Variants in JARID2 observed in about 807,000 individuals in gnomAD.
JARID2 encodes the protein jumonji and AT-rich interaction domain containing 2.
A neutral mutation model predicts 125.6 loss-of-function variants in JARID2; 21 were observed. The observed-to-expected ratio is 0.17, with a 90% confidence interval of 0.12 to 0.24. The LOEUF (loss-of-function observed/expected upper bound fraction) is 0.24, where lower values mean the gene tolerates loss of function less well. Among genes scored for constraint, JARID2 ranks in the 10% least tolerant of loss-of-function variants. The pLI, the probability that JARID2 is intolerant of heterozygous loss-of-function variation, is 1.00. For missense variants in JARID2, 1,303 were observed against 1,639.6 expected, an observed-to-expected ratio of 0.79 and a Z score of 3.55; for synonymous variants, 736 against 661.6, an observed-to-expected ratio of 1.11 and a Z score of -1.73.
intron 2 of JARID2, among the ~76,000 whole-genome samples, chr6:15,395,822 G>T (rs1333825423): frequency 1.3e-5 from 2 of 151,928 alleles, no homozygotes; most frequent in African/African-American, 4.8e-5. Context: ...GCACCACCAT[G>T]CCTGGCTAAT....
At chr6:15,484,713 G>A (rs973598955) in intron 5 of JARID2, among the ~76,000 whole-genome samples, 2 of 152,124 alleles carry the variant, frequency 1.3e-5, no homozygotes, top group Non-Finnish European at 2.9e-5. Flanking sequence ...TTTGAAGGGC[G>A]GGAAACCCAT....
chr6:15,322,175 T>C (rs1762382474), intron 1 of JARID2, among the ~76,000 whole-genome samples: 1 of 152,150 alleles, frequency 6.6e-6, no homozygotes, highest in Non-Finnish European at 1.5e-5. Context: ...AACACATAAT[T>C]GTAATTTCAA....
chr6:15,271,769 G>A (rs916469300), intron 1 of JARID2, among the ~76,000 whole-genome samples: 2 of 152,230 alleles, frequency 1.3e-5, no homozygotes, highest in Non-Finnish European at 2.9e-5. Flanking sequence ...GGAGGCTGAG[G>A]CTGGCAGATC....
rs374208349 is a variant in JARID2 at position 15,487,311 on chromosome 6, C to T, written c.675C>T (p.Phe225=). 1.9e-6 allele frequency: 3 copies of T among 1,613,478 alleles called. No homozygotes were observed. The highest frequency in any genetic ancestry group is 1.3e-5 in the African/African-American group (1 of 74,874). The change falls in exon 6 of 18, where the codon TTC becomes TTT. Residue 225 remains phenylalanine (F), a synonymous_variant. Coordinates refer to ENST00000341776, the MANE Select transcript of JARID2 (RefSeq NM_004973.4). ...TGTTTTCTCCTTCCTTTCTAGTTTT[C>T]AATGGTTCCAGCAGGTCAACACGGG... The part of the protein sequence containing the change: ...THKHVHNGHV[F]NGSSRSTREK...
At chr6:15,495,332 A>G (rs1195972167) in intron 6 of JARID2, among the ~76,000 whole-genome samples, 1 of 152,184 alleles carries the variant, frequency 6.6e-6, no homozygotes, top group Admixed American at 6.5e-5. Flanking sequence ...AAGTTTGTCC[A>G]GGGTGGAAGA....
intron 5 of JARID2, among the ~76,000 whole-genome samples, chr6:15,469,318 G>GTCTC (rs1212844795): frequency 6.2e-5 from 3 of 48,566 alleles, no homozygotes; most frequent in African/African-American, 2.4e-4. Context: ...CTCTCTCTCT[G>GTCTC]TCTCTCTCTC....
At chr6:15,423,246 T>A (rs1223460094) in intron 3 of JARID2, among the ~76,000 whole-genome samples, 1 of 152,134 alleles carries the variant, frequency 6.6e-6, no homozygotes, top group African/African-American at 2.4e-5. Context: ...TTGATCTGCC[T>A]GACTCAGCCT....
In JARID2 at chr6:15,246,666, T is replaced by C. The variant is rs112341799; in HGVS notation, c.45+82T>C. The C allele has an allele frequency of 3.1e-5, 39 of 1,244,974 alleles. No homozygotes were observed. The Admixed American group carries it at 4.5e-4, about 14-fold the overall frequency. 77.1% of individuals were successfully genotyped at this position (1,244,974 alleles called of 1,614,324 possible). A position where few individuals can be genotyped will look rare whatever the true frequency, so the allele number is the denominator to read the frequency against. ...TGTCAAGTTTATAGATAATTCTGCC[T>C]CTGAAGGGTTTTAAACACAGCGTCC... is the stretch of plus-strand genomic sequence containing the variant. On this transcript the variant is annotated intron_variant, in intron 1 of 17. Coordinates refer to ENST00000341776, the MANE Select transcript of JARID2 (RefSeq NM_004973.4).
At chr6:15,491,105 G>C (rs1213064130) in intron 6 of JARID2, among the ~76,000 whole-genome samples, 1 of 152,222 alleles carries the variant, frequency 6.6e-6, no homozygotes, top group Non-Finnish European at 1.5e-5. Context: ...TTCTTTTAAA[G>C]TTCTGGAAAA....
intron 2 of JARID2, among the ~76,000 whole-genome samples, chr6:15,405,877 C>T (rs935070871): frequency 6.6e-6 from 1 of 152,182 alleles, no homozygotes; most frequent in Non-Finnish European, 1.5e-5. Flanking sequence ...TCTTGCTGAC[C>T]TGGCCCTCCT....
At chr6:15,362,360 A>G (rs1763828955) in intron 1 of JARID2, among the ~76,000 whole-genome samples, 1 of 152,210 alleles carries the variant, frequency 6.6e-6, no homozygotes, top group Admixed American at 6.5e-5. Flanking sequence ...GTTTATTTCT[A>G]GGTGCCAACA....
chr6:15,367,051 T>C (rs1399874198), intron 1 of JARID2, among the ~76,000 whole-genome samples: 1 of 152,174 alleles, frequency 6.6e-6, no homozygotes, highest in African/African-American at 2.4e-5. Flanking sequence ...GTAGAGTTGG[T>C]TGACCCATGA....
intron 1 of JARID2, among the ~76,000 whole-genome samples, chr6:15,362,250 T>C (rs780579816): frequency 1.2e-4 from 18 of 152,164 alleles, no homozygotes; most frequent in Admixed American, 5.2e-4. Context: ...AGGTCTTCTC[T>C]CAGGGTTACA....
chr6:15,467,413 G>C, intron 4 of JARID2, among the ~76,000 whole-genome samples: 1 of 152,108 alleles, frequency 6.6e-6, no homozygotes. Flanking sequence ...TTTACTATTA[G>C]ACTGAAGGGG....
intron 1 of JARID2, among the ~76,000 whole-genome samples, chr6:15,311,306 G>T (rs148372985): frequency 6.6e-6 from 1 of 152,182 alleles, no homozygotes; most frequent in African/African-American, 2.4e-5. Flanking sequence ...GGCTGGGCAC[G>T]GTGGCTCATG....
intron 2 of JARID2, among the ~76,000 whole-genome samples, chr6:15,395,972 T>G (rs1765205708): frequency 6.6e-6 from 1 of 152,214 alleles, no homozygotes; most frequent in African/African-American, 2.4e-5. Flanking sequence ...CTCAGTGCTT[T>G]TAATATACAG....
At chr6:15,487,065 G>T (rs1170044125) in intron 5 of JARID2, among the ~76,000 whole-genome samples, 1 of 152,134 alleles carries the variant, frequency 6.6e-6, no homozygotes, top group Non-Finnish European at 1.5e-5. Flanking sequence ...GAAAGGTAGA[G>T]CGTGAGGTGG....
At chr6:15,253,667 A>G (rs538731269) in intron 1 of JARID2, among the ~76,000 whole-genome samples, 10 of 151,726 alleles carry the variant, frequency 6.6e-5, no homozygotes, top group African/African-American at 1.7e-4. Flanking sequence ...AGATTTTACT[A>G]TTTTAAGGGT....
intron 5 of JARID2, among the ~76,000 whole-genome samples, chr6:15,484,392 T>C (rs1035214912): frequency 2.0e-5 from 3 of 152,306 alleles, no homozygotes; most frequent in Admixed American, 6.5e-5. Context: ...AGTAGGAGGT[T>C]GTATTGGGTC....
Sources: allele counts gnomAD v4.1 joint callset (sites outside exome capture counted in the v4.1 genomes callset), GRCh38; gene constraint gnomAD v4.1.1; transcripts MANE v1.5; gene names NCBI Gene and HGNC (gene_info 2026-07-23, HGNC 2026-07-21).